The following TGFBI variants were observed in gnomAD, a reference collection of about 807,000 sequenced individuals.
The protein encoded by TGFBI is transforming growth factor-beta-induced protein ig-h3.
Under a neutral mutation model 73.7 loss-of-function variants are expected in TGFBI, and 50 were observed. The ratio of observed to expected loss-of-function variants is 0.68; its 90% CI spans 0.54 to 0.86. TGFBI has a LOEUF of 0.86. Ranked by LOEUF, TGFBI falls within the 40% of genes least tolerant of loss-of-function variation. The pLI is 0.00. For synonymous variants in TGFBI, 362 were observed against 360.5 expected, an observed-to-expected ratio of 1.00 and a Z score of -0.05; for missense variants, 839 against 877.0, an observed-to-expected ratio of 0.96 and a Z score of 0.55.
Position 136,053,108 on chromosome 5 carries a change from T to A in TGFBI, c.1115T>A (p.Ile372Asn). 1 of 1,613,950 alleles carries A rather than the reference T, an allele frequency of 6.2e-7. No homozygotes were observed. Among genetic ancestry groups the A allele is most frequent in the Non-Finnish European group, 8.5e-7 (1 of 1,179,862 alleles). The change falls in exon 8 of 17, where the codon ATC (isoleucine) becomes AAC (asparagine). Residue 372 changes from isoleucine (I) to asparagine (N), a missense_variant. Ile to Asn is a moderately radical substitution (Grantham distance 149, BLOSUM62 -3). Coordinates refer to ENST00000442011, the MANE Select transcript of TGFBI (RefSeq NM_000358.3). Reference sequence around the variant, plus strand: ...ATCCACTACATTGATGAGCTACTCATCCCAGACTCAGGTAGGCCAGGCCTC... The same window carrying A: ...ATCCACTACATTGATGAGCTACTCAACCCAGACTCAGGTAGGCCAGGCCTC... ...GVIHYIDELL[I>N]PDSAKTLFEL...
Position 136,049,576 on chromosome 5 carries a change from G to A in TGFBI, c.909G>A (p.Leu303=). The change falls in exon 7 of 17, where the codon CTG becomes CTA. Residue 303 remains leucine (L), a synonymous_variant. Transcript: ENST00000442011. ...GTATCCTGGGCGACCCAGAAGCCCT[G>A]AGAGGTGAGCATCCTTTGGCTCCTG... ...LNRILGDPEA[L]RDLLNNHILK... 1.9e-6 allele frequency: 3 copies of A among 1,613,374 alleles called. No homozygotes were observed. Among genetic ancestry groups the A allele is most frequent in the Non-Finnish European group, 2.5e-6 (3 of 1,179,678 alleles).
intron 2 of TGFBI, among the ~76,000 whole-genome samples, chr5:136,037,460 G>T (rs890014393): frequency 6.6e-6 from 1 of 152,110 alleles, no homozygotes; most frequent in African/African-American, 2.4e-5. Flanking sequence ...CTCTCGACAG[G>T]CTTCCTTTGT....
intron 2 of TGFBI, among the ~76,000 whole-genome samples, chr5:136,039,000 T>C (rs987408022): frequency 2.6e-5 from 4 of 152,218 alleles, no homozygotes; most frequent in African/African-American, 9.6e-5. Flanking sequence ...CAGAAAGCAA[T>C]GGGAAGCCAA....
In TGFBI at chr5:136,033,646, ACTCT is replaced by A. The variant is rs1369397526; in HGVS notation, c.135-113_135-110del. 6.4e-6 allele frequency: 5 copies of A among 784,040 alleles called. No homozygotes were observed. In the African/African-American group the frequency reaches 6.9e-5, roughly 11 times the overall value. 48.6% of individuals were successfully genotyped at this position (784,040 alleles called of 1,614,324 possible). ...TATCCCCAGTACCAAGACTGAAATG[ACTCT>A]CTCCTCTATCTCTAGAAAGTTCCAG... On this transcript the variant is annotated intron_variant, in intron 1 of 16. Coordinates refer to ENST00000442011, the MANE Select transcript of TGFBI (RefSeq NM_000358.3).
intron 9 of TGFBI, 162 bp from the exon 10 acceptor site, chr5:136,054,554 G>C (rs1394225065): frequency 1.0e-6 from 1 of 980,982 alleles, no homozygotes; most frequent in African/African-American, 1.6e-5. Flanking sequence ...ATTCTCCATA[G>C]AAGATACCAG....
At chr5:136,050,505 A>G (rs1263977660) in intron 7 of TGFBI, among the ~76,000 whole-genome samples, 1 of 152,172 alleles carries the variant, frequency 6.6e-6, no homozygotes, top group African/African-American at 2.4e-5. Context: ...GAGATGAGAA[A>G]GGAGGACTCT....
chr5:136,036,105 G>T (rs939570309), intron 2 of TGFBI, among the ~76,000 whole-genome samples: 6 of 152,206 alleles, frequency 3.9e-5, no homozygotes, highest in African/African-American at 1.2e-4. Context: ...TTCCTGATGA[G>T]CAGGTCAACC....
intron 13 of TGFBI, among the ~76,000 whole-genome samples, chr5:136,060,606 A>T (rs1367940285): frequency 4.6e-5 from 7 of 152,196 alleles, no homozygotes; most frequent in Admixed American, 1.3e-4. Context: ...GCTACTCTGG[A>T]GGCTGAGGCA....
In TGFBI at chr5:136,060,168, G is replaced by A. The variant is rs142186335; in HGVS notation, c.1804-666G>A. ...GTTCCACCTACTTAGCTTAAAAGAG[G>A]CACTTCGCCTGTCTTCAGTCTCAGT... On this transcript the variant is annotated intron_variant, in intron 13 of 16. Transcript: ENST00000442011. Among the ~76,000 whole-genome samples, 157 of 152,288 alleles carry A rather than the reference G, an allele frequency of 1.0e-3. 1 individual carries two copies. The highest frequency in any genetic ancestry group is 3.6e-3 in the African/African-American group (151 of 41,556).
At chr5:136,036,000 G>T (rs762843454) in intron 2 of TGFBI, among the ~76,000 whole-genome samples, 1 of 152,222 alleles carries the variant, frequency 6.6e-6, no homozygotes, top group Non-Finnish European at 1.5e-5. Context: ...TCCAGGCTGA[G>T]AATACTGTCA....
chr5:136,053,646 G>T (rs1382782260), intron 8 of TGFBI, among the ~76,000 whole-genome samples: 2 of 152,222 alleles, frequency 1.3e-5, no homozygotes, highest in African/African-American at 4.8e-5. Flanking sequence ...CCATCACACA[G>T]ACTGTCTTTC....
At position 136,056,679 on chromosome 5, in the gene TGFBI, C is replaced by T; in HGVS notation, c.1562C>T (p.Ala521Val). Residue 521 changes from alanine to valine, a missense_variant, in exon 12 of 17, where the codon GCC becomes GTC. Coordinates refer to ENST00000442011, the MANE Select transcript of TGFBI (RefSeq NM_000358.3). ...TGTATCTACAGCATGCTGGTAGCTG[C>T]CATCCAGTCTGCAGGACTGACGGAG... ...GDNRFSMLVA[A>V]IQSAGLTETL... 6.2e-7 allele frequency: 1 copy of T among 1,613,924 alleles called. No individual in the cohort carries two copies. Among genetic ancestry groups the T allele is most frequent in the Non-Finnish European group, 8.5e-7 (1 of 1,179,878 alleles).
chr5:136,049,788 C>A, intron 7 of TGFBI: 1 of 555,104 alleles, frequency 1.8e-6, no homozygotes, highest in African/African-American at 1.9e-5. Flanking sequence ...CTACAGAATC[C>A]AGCAGCTTTT....
At chr5:136,037,046 G>A (rs970741626) in intron 2 of TGFBI, among the ~76,000 whole-genome samples, 1 of 152,304 alleles carries the variant, frequency 6.6e-6, no homozygotes, top group South Asian at 2.1e-4. Context: ...CCACCTGCCT[G>A]CTTTTGTGAG....
chr5:136,058,424 T>G (rs535168879), intron 12 of TGFBI, among the ~76,000 whole-genome samples: 1 of 152,258 alleles, frequency 6.6e-6, no homozygotes, highest in South Asian at 2.1e-4. Flanking sequence ...CCTCTGCACC[T>G]TTATGGGCAA....
intron 6 of TGFBI, 67 bp from the exon 7 acceptor site, chr5:136,049,372 T>A: frequency 6.3e-7 from 1 of 1,574,932 alleles, no homozygotes; most frequent in Non-Finnish European, 8.7e-7. Flanking sequence ...AGTGAAGCTG[T>A]GTGTGCATCT....
chr5:136,051,195 C>A lies in TGFBI; in HGVS notation c.913+1615C>A, dbSNP rs183044964. ...TTATAATCCCAGCACTTTGGGAAGCCAAGGCGGGCAGATCACTTGAGGCTG... is the reference window on the plus strand; with the variant it reads ...TTATAATCCCAGCACTTTGGGAAGCAAAGGCGGGCAGATCACTTGAGGCTG... On this transcript the variant is annotated intron_variant, in intron 7 of 16. Transcript: ENST00000442011. Among the ~76,000 whole-genome samples the A allele has an allele frequency of 3.7e-4, 56 of 152,250 alleles. No homozygotes were observed. The East Asian group carries it at 8.7e-3, about 24-fold the overall frequency.
intron 12 of TGFBI, among the ~76,000 whole-genome samples, chr5:136,058,340 G>GT (rs1419063592): frequency 6.6e-6 from 1 of 152,182 alleles, no homozygotes; most frequent in Non-Finnish European, 1.5e-5. Context: ...CCTTTGGCTG[G>GT]TAATGGGAGT....
intron 2 of TGFBI, among the ~76,000 whole-genome samples, chr5:136,039,278 A>C (rs1437606676): frequency 1.3e-5 from 2 of 152,216 alleles, no homozygotes; most frequent in African/African-American, 4.8e-5. Flanking sequence ...ACAGATGAGG[A>C]GACAGGCTCA....
Sources: gnomAD v4.1 joint callset for allele counts (sites outside exome capture counted in the v4.1 genomes callset) on GRCh38, gnomAD v4.1.1 for gene constraint, MANE v1.5 for transcripts, NCBI Gene and HGNC (gene_info 2026-07-23, HGNC 2026-07-21) for gene names.